The following MTHFD1L variants were observed in gnomAD, a reference collection of about 807,000 sequenced individuals.
MTHFD1L encodes methylenetetrahydrofolate dehydrogenase (NADP+ dependent) 1 like.
MTHFD1L carries 81 observed loss-of-function variants against 119.5 expected under a neutral mutation model. That is an observed-to-expected ratio of 0.68 (90% CI 0.57 to 0.82). The LOEUF is 0.82. Ranked by LOEUF, MTHFD1L falls within the 40% of genes least tolerant of loss-of-function variation. The probability of loss-of-function intolerance (pLI) is 0.00; values close to 1 mark genes in which losing one functional copy is unlikely to be tolerated. For synonymous variants in MTHFD1L, 430 were observed against 475.2 expected, an observed-to-expected ratio of 0.90 and a Z score of 1.24; for missense variants, 1,125 against 1,253.4, an observed-to-expected ratio of 0.90 and a Z score of 1.55.
chr6:151,008,386 A>G (rs1431865887), intron 20 of MTHFD1L, among the ~76,000 whole-genome samples: 1 of 152,322 alleles, frequency 6.6e-6, no homozygotes, highest in Non-Finnish European at 1.5e-5. Flanking sequence ...GTATTAACTC[A>G]GTAGTATTCC....
At chr6:150,904,115 G>T (rs528324559) in intron 7 of MTHFD1L, among the ~76,000 whole-genome samples, 2 of 152,254 alleles carry the variant, frequency 1.3e-5, no homozygotes, top group South Asian at 4.1e-4. Flanking sequence ...GCACCCTTTT[G>T]CCCAAATAGT....
intron 7 of MTHFD1L, among the ~76,000 whole-genome samples, chr6:150,895,092 A>G (rs1562334109): frequency 6.6e-6 from 1 of 152,174 alleles, no homozygotes; most frequent in Admixed American, 6.6e-5. Context: ...GGGCAGGGCT[A>G]GGGAACCCCC....
At chr6:151,042,021 A>T (rs1787210588) in intron 26 of MTHFD1L, 1 of 359,670 alleles carries the variant, frequency 2.8e-6, no homozygotes, top group Non-Finnish European at 5.6e-6. Context: ...TTATTGCTTT[A>T]ATTGGCATTG....
At chr6:150,866,313 T>G (rs113900935) in intron 1 of MTHFD1L, 4 of 1,464,140 alleles carry the variant, frequency 2.7e-6, no homozygotes, top group South Asian at 2.6e-5. Context: ...CCTAGCGGCA[T>G]GGACCGCACG....
At chr6:151,019,607 TC>T (rs751634821) in intron 24 of MTHFD1L, among the ~76,000 whole-genome samples, 2 of 152,204 alleles carry the variant, frequency 1.3e-5, no homozygotes, top group Non-Finnish European at 2.9e-5. Context: ...AACACACTTC[TC>T]GCTTTTCTTG....
chr6:150,935,245 A>C (rs1238474626), intron 11 of MTHFD1L: 1 of 1,611,830 alleles, frequency 6.2e-7, no homozygotes, highest in Non-Finnish European at 8.5e-7. Context: ...CCAGATGCAC[A>C]GATGGCATTG....
At chr6:150,892,525 C>A (rs944245774) in intron 7 of MTHFD1L, among the ~76,000 whole-genome samples, 1 of 152,122 alleles carries the variant, frequency 6.6e-6, no homozygotes, top group Non-Finnish European at 1.5e-5. Context: ...ATAGTGGCAC[C>A]ATTGCGAATG....
At position 151,092,527 on chromosome 6, in the gene MTHFD1L, G is replaced by C. The variant is rs774732029; in HGVS notation, c.2908G>C (p.Glu970Gln). The change falls in exon 27 of 28, where the codon GAA (glutamate) becomes CAA (glutamine). Residue 970 changes from glutamate (E) to glutamine (Q), a missense_variant. Transcript: ENST00000367321. ...PCFYDIDLDTETEQVKGLF is the reference protein window; with the variant it reads ...PCFYDIDLDTQTEQVKGLF ...CTTTTATGACATAGATCTTGATACC[G>C]AAACAGAACAAGTTAAAGGCTTGTT... 8 of 1,614,102 alleles carry C rather than the reference G, an allele frequency of 5.0e-6. No homozygotes were observed. The highest frequency in any genetic ancestry group is 5.1e-6 in the Non-Finnish European group (6 of 1,179,998).
chr6:151,086,539 TA>T (rs1377186827), intron 26 of MTHFD1L, among the ~76,000 whole-genome samples: 1 of 152,132 alleles, frequency 6.6e-6, no homozygotes, highest in East Asian at 1.9e-4. Context: ...AAATATTAAT[TA>T]TTTTTTTGAG....
At chr6:150,884,486 C>T (rs1016710600) in intron 5 of MTHFD1L, among the ~76,000 whole-genome samples, 4 of 151,694 alleles carry the variant, frequency 2.6e-5, no homozygotes, top group South Asian at 2.1e-4. Context: ...TTTTAAAAAA[C>T]GACAATCTCC....
chr6:151,062,083 T>A (rs1424736146), intron 26 of MTHFD1L, among the ~76,000 whole-genome samples: 1 of 152,224 alleles, frequency 6.6e-6, no homozygotes, highest in Non-Finnish European at 1.5e-5. Flanking sequence ...AAGCAGCCTC[T>A]AAGTCAACTG....
At position 151,036,958 on chromosome 6, in the gene MTHFD1L, C is replaced by G. The variant is rs1444859111; in HGVS notation, c.2695-7C>G. ...TCAGTGAACACATTTTCTTTCCTTT[C>G]TCACAGGGTTTTGGAAATTTGCCCA... On this transcript the variant is annotated splice_polypyrimidine_tract_variant and splice_region_variant and intron_variant, in intron 25 of 27. Coordinates refer to ENST00000367321, the MANE Select transcript of MTHFD1L (RefSeq NM_015440.5). 1.9e-6 allele frequency: 3 copies of G among 1,611,970 alleles called. No individual in the cohort carries two copies. Among genetic ancestry groups the G allele is most frequent in the Non-Finnish European group, 1.7e-6 (2 of 1,179,796 alleles).
At chr6:150,932,161 C>CAAAAAAAAA (rs5880902) in intron 11 of MTHFD1L, among the ~76,000 whole-genome samples, 1 of 39,474 alleles carries the variant, frequency 2.5e-5, no homozygotes, top group Non-Finnish European at 4.3e-5. Context: ...GACTCCATCT[C>CAAAAAAAAA]AAAAAAAAAA....
chr6:151,007,527 G>A (rs756655879), intron 20 of MTHFD1L, among the ~76,000 whole-genome samples: 7 of 152,268 alleles, frequency 4.6e-5, no homozygotes, highest in South Asian at 2.1e-4. Context: ...TACCTGTGCC[G>A]TCTCACTTAA....
intron 19 of MTHFD1L, among the ~76,000 whole-genome samples, chr6:150,966,551 G>A (rs533984202): frequency 1.5e-4 from 23 of 152,272 alleles, no homozygotes; most frequent in African/African-American, 5.1e-4. Context: ...GGCCAGGCAC[G>A]GTGGCTCAAG....
rs1240411644 is a variant in MTHFD1L at position 150,926,384 on chromosome 6, A to G, written c.1256+89A>G. Reference sequence around the variant, plus strand: ...TCTCTCTCCTCGTACCCCTCAATCCATCCTATTCTCACATTTGACATTTCG... The same window carrying G: ...TCTCTCTCCTCGTACCCCTCAATCCGTCCTATTCTCACATTTGACATTTCG... On this transcript the variant is annotated intron_variant, in intron 11 of 27. Transcript: ENST00000367321. This position sits in a 1 kb window ranked among gnomAD's most constrained non-coding sequence, Gnocchi z 4.3. 3.5e-6 allele frequency: 4 copies of G among 1,136,048 alleles called. No individual in the cohort carries two copies. The African/African-American group carries it at 4.7e-5, about 13-fold the overall frequency. 70.4% of individuals were successfully genotyped at this position (1,136,048 alleles called of 1,614,324 possible).
Position 151,043,559 on chromosome 6 carries a change from T to G in MTHFD1L, c.2847+6442T>G, listed in dbSNP as rs184637317. Among the ~76,000 whole-genome samples the G allele has an allele frequency of 3.7e-4, 57 of 152,300 alleles. 1 individual carries two copies. The Middle Eastern group carries it at 0.034, about 91-fold the overall frequency. On this transcript the variant is annotated intron_variant, in intron 26 of 27. Transcript: ENST00000367321. ...TGTTTTTTAAAACAACAATGCATTT[T>G]CATAACAGTTGGCCTGGAGAGGTGT...
At chr6:150,959,179 G>A (rs1796078103) in intron 17 of MTHFD1L, 7 of 984,520 alleles carry the variant, frequency 7.1e-6, no homozygotes, top group Non-Finnish European at 8.4e-6. Flanking sequence ...CACTAAATCA[G>A]TGACTAATGC....
At chr6:150,892,627 C>G (rs1783505245) in intron 7 of MTHFD1L, among the ~76,000 whole-genome samples, 1 of 152,172 alleles carries the variant, frequency 6.6e-6, no homozygotes, top group South Asian at 2.1e-4. Flanking sequence ...CCATACTTGT[C>G]CCCCTCTACC....
Sources: gnomAD v4.1 joint callset for allele counts (sites outside exome capture counted in the v4.1 genomes callset) on GRCh38, gnomAD v4.1.1 for gene constraint, Gnocchi (gnomAD v3.1) non-coding constraint, MANE v1.5 for transcripts, NCBI Gene and HGNC (gene_info 2026-07-23, HGNC 2026-07-21) for gene names.